The following SENP7 variants were observed in gnomAD, a reference collection of about 807,000 sequenced individuals.
SENP7 encodes the protein SUMO specific peptidase 7.
In SENP7, 64 loss-of-function variants were observed where a neutral mutation model predicts 141.2. The observed-to-expected ratio is 0.45, with a 90% confidence interval of 0.37 to 0.56. SENP7 has a LOEUF of 0.56. Among genes scored for constraint, SENP7 ranks in the 20% least tolerant of loss-of-function variants. The pLI is 0.00. For synonymous variants in SENP7, 382 were observed against 426.4 expected, an observed-to-expected ratio of 0.90 and a Z score of 1.28; for missense variants, 1,025 against 1,212.2, an observed-to-expected ratio of 0.85 and a Z score of 2.29.
chr3:101,493,796 ACATT>A, intron 3 of SENP7, 73 bp downstream of exon 3: 1 of 852,276 alleles, frequency 1.2e-6, no homozygotes, highest in Non-Finnish European at 1.8e-6. Context: ...CAGAAAATAA[ACATT>A]CAGTTTTATT....
chr3:101,395,219 C>G (rs1467642437), intron 6 of SENP7, among the ~76,000 whole-genome samples: 2 of 152,072 alleles, frequency 1.3e-5, no homozygotes, highest in African/African-American at 4.8e-5. Context: ...AAAATCTTTG[C>G]CTAGACCAAT....
At chr3:101,364,381 G>A (rs1045350782) in intron 10 of SENP7, among the ~76,000 whole-genome samples, 13 of 152,166 alleles carry the variant, frequency 8.5e-5, no homozygotes, top group African/African-American at 3.1e-4. Context: ...AAGAGGCAGA[G>A]GACTTACCAA....
chr3:101,438,838 C>T (rs1274919560), intron 4 of SENP7, among the ~76,000 whole-genome samples: 12 of 152,010 alleles, frequency 7.9e-5, no homozygotes, highest in African/African-American at 2.9e-4. Flanking sequence ...CGGCGAGCGC[C>T]GCCCGGGAGG....
At chr3:101,499,829 C>T (rs1384904581) in intron 2 of SENP7, among the ~76,000 whole-genome samples, 2 of 152,126 alleles carry the variant, frequency 1.3e-5, no homozygotes, top group Non-Finnish European at 2.9e-5. Context: ...GCCACTGCGC[C>T]CGGCCAATTT....
At chr3:101,443,483 G>A (rs1421321757) in intron 4 of SENP7, among the ~76,000 whole-genome samples, 3 of 151,410 alleles carry the variant, frequency 2.0e-5, no homozygotes, top group Non-Finnish European at 4.4e-5. Context: ...CCAATTCTGT[G>A]AAGAAAGGCA....
intron 11 of SENP7, among the ~76,000 whole-genome samples, chr3:101,356,315 A>T (rs1206820404): frequency 1.4e-5 from 1 of 71,748 alleles, no homozygotes; most frequent in Non-Finnish European, 3.8e-5. Flanking sequence ...AATAAAAAAG[A>T]ATTTCTAATA....
At chr3:101,391,812 C>T (rs544188076) in intron 6 of SENP7, among the ~76,000 whole-genome samples, 44 of 152,198 alleles carry the variant, frequency 2.9e-4, no homozygotes, top group African/African-American at 1.0e-3. Context: ...ATGAGCAACA[C>T]AGATGCAAAA....
At chr3:101,488,430 T>A (rs1252548084) in intron 3 of SENP7, among the ~76,000 whole-genome samples, 1 of 152,204 alleles carries the variant, frequency 6.6e-6, no homozygotes. Flanking sequence ...TGAGATTATG[T>A]AAAGAGACTA....
At chr3:101,458,296 G>A (rs2107874988) in intron 4 of SENP7, among the ~76,000 whole-genome samples, 1 of 152,202 alleles carries the variant, frequency 6.6e-6, no homozygotes, top group African/African-American at 2.4e-5. Flanking sequence ...AAATTTGTGT[G>A]ACTTTCCAAT....
intron 23 of SENP7, 35 bp downstream of exon 23, chr3:101,327,631 C>G: frequency 6.5e-7 from 1 of 1,539,984 alleles, no homozygotes; most frequent in Non-Finnish European, 8.8e-7. Context: ...ATGGTGGTAA[C>G]TGTGAATTAA....
At chr3:101,489,259 A>G (rs986213362) in intron 3 of SENP7, among the ~76,000 whole-genome samples, 1 of 152,230 alleles carries the variant, frequency 6.6e-6, no homozygotes, top group Non-Finnish European at 1.5e-5. Context: ...TATACAGTCA[A>G]GTCTATACAA....
At chr3:101,414,382 C>A in intron 5 of SENP7, 1 of 904,494 alleles carries the variant, frequency 1.1e-6, no homozygotes, top group Non-Finnish European at 1.9e-6. Context: ...GTGCATCAAG[C>A]ACTGCCATGT....
At chr3:101,457,388 A>G in intron 4 of SENP7, 2 of 1,469,754 alleles carry the variant, frequency 1.4e-6, no homozygotes, top group Non-Finnish European at 1.9e-6. Context: ...AACTGTTCAG[A>G]CTGTCTACAC....
intron 5 of SENP7, among the ~76,000 whole-genome samples, chr3:101,415,126 T>C (rs1559791028): frequency 6.6e-6 from 1 of 152,244 alleles, no homozygotes; most frequent in Non-Finnish European, 1.5e-5. Flanking sequence ...AAAAGTTTTC[T>C]GGGTCTTTGT....
chr3:101,349,193 T>C (rs922817932), intron 12 of SENP7, among the ~76,000 whole-genome samples: 1 of 152,218 alleles, frequency 6.6e-6, no homozygotes, highest in Admixed American at 6.5e-5. Context: ...CCAGTCATTC[T>C]ATTCTTCATA....
chr3:101,504,035 T>C (rs543296207), intron 1 of SENP7, among the ~76,000 whole-genome samples: 1 of 152,240 alleles, frequency 6.6e-6, no homozygotes, highest in Admixed American at 6.5e-5. Flanking sequence ...TAATAACTAA[T>C]GAAATATAGA....
In SENP7 at chr3:101,345,012, A is replaced by C. The variant is rs1363045017; in HGVS notation, c.1838-1058T>G. Among the ~76,000 whole-genome samples the C allele has an allele frequency of 2.7e-5, 4 of 150,398 alleles. No individual in the cohort carries two copies. The East Asian group carries it at 7.8e-4, about 29-fold the overall frequency. On this transcript the variant is annotated intron_variant, in intron 13 of 23. Coordinates refer to ENST00000394095, the MANE Select transcript of SENP7 (RefSeq NM_020654.5). ...AAAGCAAAAAAAAAAAAAAAAAAAA[A>C]AAAAAGGAGAAGAAAGAATTTGGGC...
chr3:101,448,892 T>C (rs977910808), intron 4 of SENP7, among the ~76,000 whole-genome samples: 1 of 151,816 alleles, frequency 6.6e-6, no homozygotes, highest in African/African-American at 2.4e-5. Flanking sequence ...CTTTGACGAG[T>C]TGAGAGAAGA....
intron 4 of SENP7, among the ~76,000 whole-genome samples, chr3:101,418,447 A>G (rs1412853403): frequency 6.6e-6 from 1 of 152,178 alleles, no homozygotes; most frequent in Non-Finnish European, 1.5e-5. Flanking sequence ...TAGTTCTGGA[A>G]TTCCAAAAAC....
Sources: allele counts gnomAD v4.1 joint callset (sites outside exome capture counted in the v4.1 genomes callset), GRCh38; gene constraint gnomAD v4.1.1; transcripts MANE v1.5; gene names NCBI Gene and HGNC (gene_info 2026-07-23, HGNC 2026-07-21).